AKAP13: variants seen among roughly 807,000 people sequenced by gnomAD.
AKAP13 encodes the protein A-kinase anchor protein 13.
A neutral mutation model predicts 264.5 loss-of-function variants in AKAP13; 80 were observed. The observed-to-expected ratio is 0.30, with a 90% confidence interval of 0.25 to 0.36. The LOEUF is 0.36. Ranked by LOEUF, AKAP13 falls within the 10% of genes least tolerant of loss-of-function variation. The probability of loss-of-function intolerance (pLI) is 1.00; values close to 1 mark genes in which losing one functional copy is unlikely to be tolerated. For synonymous variants in AKAP13, 1,380 were observed against 1,250.2 expected (o/e 1.10, Z -2.19); for missense variants, 3,712 against 3,435.2 (o/e 1.08, Z -2.01).
At chr15:85,548,132 T>C (rs958983917) in intron 5 of AKAP13, among the ~76,000 whole-genome samples, 1 of 152,146 alleles carries the variant, frequency 6.6e-6, no homozygotes, top group Non-Finnish European at 1.5e-5. Context: ...GGATCACCCA[T>C]GTTGGGGGTA....
chr15:85,620,315 A>T (rs2081125810), intron 8 of AKAP13: 2 of 733,940 alleles, frequency 2.7e-6, no homozygotes, highest in African/African-American at 3.5e-5. Context: ...GGTGAATGTA[A>T]GCCTCTTAAA....
In AKAP13 at chr15:85,688,354, A is replaced by C. The variant is rs543734571; in HGVS notation, c.5289+3481A>C. On this transcript the variant is annotated intron_variant, in intron 16 of 36. Coordinates refer to ENST00000394518, the MANE Select transcript of AKAP13 (RefSeq NM_007200.5). ...TTCAGTTTTTAAAAATTATTTTTTA[A>C]ATAGATGCTGTGAGAGACCGTCTGA... 5.1e-4 allele frequency among the ~76,000 whole-genome samples: 77 copies of C among 152,316 alleles called. 1 individual carries two copies. In the South Asian group the frequency reaches 8.1e-3, roughly 16 times the overall value.
Position 85,396,903 on chromosome 15 carries a change from T to C in AKAP13, c.-12+16105T>C, listed in dbSNP as rs1036247104. Among the ~76,000 whole-genome samples, 60 of 90,740 alleles carry C rather than the reference T, an allele frequency of 6.6e-4. No homozygotes were observed. The South Asian group carries it at 0.012, about 18-fold the overall frequency. The allele number at this position is 90,740 out of a possible 152,430, so 59.5% of individuals were successfully genotyped here. Reference sequence around the variant, plus strand: ...TTTGAGTCCTCTCGTATGTTAGACTTTTTTTTTTTTTTTTTTTTTAAGATA... The same window carrying C: ...TTTGAGTCCTCTCGTATGTTAGACTCTTTTTTTTTTTTTTTTTTTAAGATA... On this transcript the variant is annotated intron_variant, in intron 1 of 36. Transcript: ENST00000394518.
chr15:85,679,645 C>T (rs559312056), intron 14 of AKAP13, among the ~76,000 whole-genome samples: 15 of 152,286 alleles, frequency 9.8e-5, no homozygotes, highest in South Asian at 4.1e-4. Flanking sequence ...TGGTGTTCCA[C>T]GGAACACACT....
At chr15:85,737,589 T>G (rs1194072682) in intron 33 of AKAP13, among the ~76,000 whole-genome samples, 1 of 152,218 alleles carries the variant, frequency 6.6e-6, no homozygotes, top group Non-Finnish European at 1.5e-5. Flanking sequence ...TTTATATTTG[T>G]TGCCACAAAA....
intron 8 of AKAP13, among the ~76,000 whole-genome samples, chr15:85,629,856 T>C (rs2081620774): frequency 7.6e-6 from 1 of 131,418 alleles, no homozygotes; most frequent in South Asian, 2.6e-4. Context: ...CTTGGCTCAC[T>C]GAAACCTCCA....
intron 11 of AKAP13, 35 bp from the exon 12 acceptor site, chr15:85,658,502 C>T (rs1397985290): frequency 1.2e-6 from 2 of 1,608,638 alleles, no homozygotes; most frequent in African/African-American, 1.3e-5. Flanking sequence ...TTTTGTTTCA[C>T]CTGCAACACT....
chr15:85,690,516 AAGG>A (rs2085220568), intron 16 of AKAP13, among the ~76,000 whole-genome samples: 2 of 152,216 alleles, frequency 1.3e-5, no homozygotes, highest in Admixed American at 6.5e-5. Context: ...TTGTAAAGTG[AAGG>A]AGTTTTTCTC....
chr15:85,427,487 T>TG (rs1567051221), intron 1 of AKAP13, among the ~76,000 whole-genome samples: 1 of 152,152 alleles, frequency 6.6e-6, no homozygotes, highest in East Asian at 1.9e-4. Flanking sequence ...GTCTATCGAC[T>TG]CCTCTAGGCA....
chr15:85,715,055 G>T (rs338528), intron 19 of AKAP13, among the ~76,000 whole-genome samples: 14 of 152,212 alleles, frequency 9.2e-5, no homozygotes, highest in African/African-American at 3.4e-4. Context: ...CCCGTTGCCT[G>T]TCCCACCCCA....
At chr15:85,672,161 A>G (rs1597002280) in intron 14 of AKAP13, among the ~76,000 whole-genome samples, 1 of 152,200 alleles carries the variant, frequency 6.6e-6, no homozygotes, top group African/African-American at 2.4e-5. Context: ...TGGAGCTTCA[A>G]GCAAGAGTTT....
intron 2 of AKAP13, among the ~76,000 whole-genome samples, chr15:85,502,664 T>G (rs1211080375): frequency 6.6e-6 from 1 of 152,220 alleles, no homozygotes; most frequent in Non-Finnish European, 1.5e-5. Context: ...TCTGAAATGA[T>G]AGAATTTTCT....
rs1333608342 is a variant in AKAP13, at chr15:85,409,626, G to GTTT, written c.-12+28844_-12+28846dup. On this transcript the variant is annotated intron_variant, in intron 1 of 36. Transcript: ENST00000394518. ...ATATTCTTTGATGCAGCTAGTAGTA[G>GTTT]TTTTTTTTTTTTTTTTTTGAGACAG... 2.3e-4 allele frequency among the ~76,000 whole-genome samples: 30 copies of GTTT among 129,960 alleles called. 2 individuals are homozygous for GTTT. The highest frequency in any genetic ancestry group is 4.5e-4 in the African/African-American group (15 of 33,362). The allele number at this position is 129,960 out of a possible 152,430, so 85.3% of individuals were successfully genotyped here.
intron 2 of AKAP13, among the ~76,000 whole-genome samples, chr15:85,517,844 A>G (rs896492182): frequency 2.0e-5 from 3 of 152,136 alleles, no homozygotes; most frequent in Admixed American, 1.3e-4. Context: ...CCCTGAAAAA[A>G]TTGTCAGTTG....
chr15:85,381,521 C>CTTTTTTTTTTTTTTTTT (rs1168869870), intron 1 of AKAP13, among the ~76,000 whole-genome samples: 1 of 64,290 alleles, frequency 1.6e-5, no homozygotes, highest in Non-Finnish European at 2.6e-5. Context: ...CGGTTTACTG[C>CTTTTTTTTTTTTTTTTT]TTTTTTTTTT....
At chr15:85,725,514 T>A (rs2087565972) in intron 26 of AKAP13, among the ~76,000 whole-genome samples, 2 of 152,170 alleles carry the variant, frequency 1.3e-5, no homozygotes, top group Non-Finnish European at 2.9e-5. Flanking sequence ...TCCCTAGGAA[T>A]CAGATGTCCT....
intron 15 of AKAP13, among the ~76,000 whole-genome samples, chr15:85,683,012 G>C (rs556500202): frequency 6.6e-6 from 1 of 152,134 alleles, no homozygotes; most frequent in African/African-American, 2.4e-5. Flanking sequence ...TTTTTATTTA[G>C]GTTTTCATGC....
intron 1 of AKAP13, among the ~76,000 whole-genome samples, chr15:85,447,371 T>A (rs892830743): frequency 5.3e-5 from 8 of 151,980 alleles, no homozygotes; most frequent in Non-Finnish European, 8.8e-5. Context: ...ACTCCTTTTT[T>A]AAAAAAAAAT....
At chr15:85,728,871 G>A (rs560534661) in intron 29 of AKAP13, among the ~76,000 whole-genome samples, 1 of 151,980 alleles carries the variant, frequency 6.6e-6, no homozygotes, top group South Asian at 2.1e-4. Flanking sequence ...TTTTTAACAT[G>A]TTGAAGATAG....
Sources: gnomAD v4.1 joint callset for allele counts (sites outside exome capture counted in the v4.1 genomes callset) on GRCh38, gnomAD v4.1.1 for gene constraint, MANE v1.5 for transcripts, NCBI Gene and HGNC (gene_info 2026-07-23, HGNC 2026-07-21) for gene names.